METAP1D: variants seen among roughly 807,000 people sequenced by gnomAD.
The protein encoded by METAP1D is methionyl aminopeptidase type 1D, mitochondrial, also known as methionine aminopeptidase 1D, mitochondrial.
Under a neutral mutation model 40.5 loss-of-function variants are expected in METAP1D, and 31 were observed. The ratio of observed to expected loss-of-function variants is 0.77; its 90% CI spans 0.58 to 1.03. METAP1D has a LOEUF of 1.03. Ranked by LOEUF, METAP1D falls within the 50% of genes least tolerant of loss-of-function variation. The pLI, the probability that METAP1D is intolerant of heterozygous loss-of-function variation, is 0.00. For missense variants in METAP1D, 411 were observed against 420.7 expected (o/e 0.98, Z 0.20); for synonymous variants, 151 against 146.4 (o/e 1.03, Z -0.22).
At chr2:172,012,282 C>G (rs986447234) in intron 1 of METAP1D, among the ~76,000 whole-genome samples, 1 of 152,186 alleles carries the variant, frequency 6.6e-6, no homozygotes, top group Non-Finnish European at 1.5e-5. Context: ...GTCCTCTCTC[C>G]CCTACTTTAT....
intron 6 of METAP1D, among the ~76,000 whole-genome samples, chr2:172,077,543 A>G (rs1690575507): frequency 6.6e-6 from 1 of 151,698 alleles, no homozygotes; most frequent in African/African-American, 2.4e-5. Context: ...TGCTGTACAA[A>G]GGTAAATGAC....
At chr2:172,001,437 C>T (rs1688458945) in intron 1 of METAP1D, among the ~76,000 whole-genome samples, 1 of 151,864 alleles carries the variant, frequency 6.6e-6, no homozygotes, top group Non-Finnish European at 1.5e-5. Context: ...ACTCGGGAGA[C>T]TGAGGTAGGA....
At chr2:172,030,343 C>T (rs962964121) in intron 1 of METAP1D, among the ~76,000 whole-genome samples, 12 of 152,010 alleles carry the variant, frequency 7.9e-5, no homozygotes, top group South Asian at 2.1e-4. Context: ...CTGCCCACCT[C>T]GGCCTCCCAA....
intron 6 of METAP1D, 122 bp downstream of exon 6, chr2:172,071,192 T>C: frequency 1.3e-6 from 1 of 785,638 alleles, no homozygotes; most frequent in Non-Finnish European, 1.8e-6. Flanking sequence ...CTGATATCAG[T>C]ATGTGAACTG....
chr2:172,023,857 CTT>C (rs11355201), intron 1 of METAP1D, among the ~76,000 whole-genome samples: 9 of 139,136 alleles, frequency 6.5e-5, no homozygotes, highest in African/African-American at 2.7e-5. Context: ...CTGTAAAATT[CTT>C]TTTTTTTTTT....
chr2:172,079,177 A>G, intron 7 of METAP1D, 38 bp from the exon 8 acceptor site: 2 of 1,592,098 alleles, frequency 1.3e-6, no homozygotes, highest in South Asian at 1.1e-5. Flanking sequence ...TGTCCTCCCC[A>G]TTTCCTATTC....
At chr2:172,049,736 G>A (rs1465667804) in intron 1 of METAP1D, among the ~76,000 whole-genome samples, 1 of 152,142 alleles carries the variant, frequency 6.6e-6, no homozygotes, top group African/African-American at 2.4e-5. Flanking sequence ...ACTCCTTGAT[G>A]AGTGATCTTG....
At chr2:172,030,175 C>T (rs1488125303) in intron 1 of METAP1D, among the ~76,000 whole-genome samples, 1 of 150,716 alleles carries the variant, frequency 6.6e-6, no homozygotes, top group Non-Finnish European at 1.5e-5. Flanking sequence ...CCACAACCTC[C>T]ACCTCCTGGG....
chr2:172,000,545 C>T (rs1229309235), intron 1 of METAP1D, among the ~76,000 whole-genome samples: 4 of 152,126 alleles, frequency 2.6e-5, no homozygotes, highest in African/African-American at 9.7e-5. Flanking sequence ...AGTAAATATA[C>T]AAATGCCTTT....
intron 6 of METAP1D, chr2:172,072,340 T>G (rs568976270): frequency 2.4e-5 from 4 of 167,242 alleles, no homozygotes; most frequent in African/African-American, 4.8e-5. Flanking sequence ...TTAACAAAAT[T>G]TATTCTTCAG....
In METAP1D at chr2:172,041,699, C is replaced by G. The variant is rs1689527145; in HGVS notation, c.41-19799C>G. On this transcript the variant is annotated intron_variant, in intron 1 of 9. Transcript: ENST00000315796. Reference sequence around the variant, plus strand: ...TAAATACAGAATAAGAATATAAAAACGTTTTAATTTCCTTACTCTAATTAT... The same window carrying G: ...TAAATACAGAATAAGAATATAAAAAGGTTTTAATTTCCTTACTCTAATTAT... 3.8e-5 allele frequency among the ~76,000 whole-genome samples: 3 copies of G among 79,094 alleles called. No individual in the cohort carries two copies. In the Admixed American group the frequency reaches 4.7e-4, roughly 13 times the overall value. The allele number at this position is 79,094 out of a possible 152,430, so 51.9% of individuals were successfully genotyped here. A position where few individuals can be genotyped will look rare whatever the true frequency, so the allele number is the denominator to read the frequency against.
chr2:172,036,161 C>G (rs1689375973), intron 1 of METAP1D, among the ~76,000 whole-genome samples: 1 of 151,052 alleles, frequency 6.6e-6, no homozygotes, highest in South Asian at 2.1e-4. Flanking sequence ...ACTAAAAATA[C>G]AAAAAGTTAG....
chr2:172,036,950 A>G (rs1210369696), intron 1 of METAP1D, among the ~76,000 whole-genome samples: 1 of 152,184 alleles, frequency 6.6e-6, no homozygotes, highest in Non-Finnish European at 1.5e-5. Flanking sequence ...ACTTACATGT[A>G]CTTGTAATGT....
intron 1 of METAP1D, among the ~76,000 whole-genome samples, chr2:172,050,179 G>A (rs1689857315): frequency 6.6e-6 from 1 of 151,982 alleles, no homozygotes; most frequent in Admixed American, 6.6e-5. Flanking sequence ...ATATACCTAG[G>A]GCATGCTGTA....
At chr2:172,027,809 G>C (rs1261883425) in intron 1 of METAP1D, among the ~76,000 whole-genome samples, 2 of 152,200 alleles carry the variant, frequency 1.3e-5, no homozygotes, top group African/African-American at 4.8e-5. Flanking sequence ...TCTACCTTCT[G>C]TTGTGTCTGC....
chr2:172,058,680 T>A (rs72892894), intron 1 of METAP1D, among the ~76,000 whole-genome samples: 41,936 of 151,910 alleles, frequency 0.28, 6,687 homozygotes, highest in Middle Eastern at 0.4. Context: ...TGTACCTGAG[T>A]TTTGTAACTT....
At position 171,999,983 on chromosome 2, in the gene METAP1D, G is replaced by T; in HGVS notation, c.14G>T (p.Ser5Ile). Residue 5 changes from serine to isoleucine, a missense_variant, in exon 1 of 10, where the codon AGT (serine) becomes ATT (isoleucine). Physicochemically the swap from Ser to Ile is moderately radical, Grantham distance 142 (BLOSUM62 -2). Transcript: ENST00000315796. ...ACCGACGCCAACATGGCGGCGCCCA[G>T]TGGCGTCCACCTGCTCGTCCGCAGA... MAAP[S>I]GVHLLVRRGS... is the part of the protein sequence containing the mutation. The T allele has an allele frequency of 7.4e-7, 1 of 1,352,768 alleles. No individual in the cohort carries two copies. Among genetic ancestry groups the T allele is most frequent in the Non-Finnish European group, 9.6e-7 (1 of 1,045,678 alleles). The allele number at this position is 1,352,768 out of a possible 1,614,324, so 83.8% of individuals were successfully genotyped here. A position where few individuals can be genotyped will look rare whatever the true frequency, so the allele number is the denominator to read the frequency against.
intron 1 of METAP1D, chr2:172,021,763 C>T (rs1354429770): frequency 6.6e-6 from 1 of 152,230 alleles, no homozygotes; most frequent in African/African-American, 2.4e-5. Flanking sequence ...CCCAAGACCT[C>T]CCTGGCCTTG....
chr2:172,035,597 G>A (rs1218919923), intron 1 of METAP1D, among the ~76,000 whole-genome samples: 1 of 151,956 alleles, frequency 6.6e-6, no homozygotes, highest in African/African-American at 2.4e-5. Flanking sequence ...TCACTTTCTT[G>A]CTTACCTTTA....
Sources: allele counts gnomAD v4.1 joint callset (sites outside exome capture counted in the v4.1 genomes callset), GRCh38; gene constraint gnomAD v4.1.1; transcripts MANE v1.5; gene names NCBI Gene and HGNC (gene_info 2026-07-23, HGNC 2026-07-21).